Variants in NKAIN2 observed in about 807,000 individuals in gnomAD.
NKAIN2 encodes sodium/potassium transporting ATPase interacting 2, also known as sodium/potassium-transporting ATPase subunit beta-1-interacting protein 2.
A neutral mutation model predicts 32.6 loss-of-function variants in NKAIN2; 14 were observed. The observed-to-expected ratio is 0.43, with a 90% CI of 0.28 to 0.67. The LOEUF (loss-of-function observed/expected upper bound fraction) is 0.67. Among genes scored for constraint, NKAIN2 ranks in the 30% least tolerant of loss-of-function variants. The pLI, the probability that NKAIN2 is intolerant of heterozygous loss-of-function variation, is 0.17. For synonymous variants in NKAIN2, 80 were observed against 87.2 expected (o/e 0.92, Z 0.46); for missense variants, 198 against 258.3 (o/e 0.77, Z 1.60).
chr6:124,718,133 T>C (rs1488529374), intron 4 of NKAIN2, among the ~76,000 whole-genome samples: 1 of 152,124 alleles, frequency 6.6e-6, no homozygotes, highest in Non-Finnish European at 1.5e-5. Flanking sequence ...ATTCAATGAT[T>C]TTTTTAGTAT....
chr6:123,814,796 T>G (rs986209098), intron 1 of NKAIN2, among the ~76,000 whole-genome samples: 7 of 152,306 alleles, frequency 4.6e-5, no homozygotes, highest in African/African-American at 1.7e-4. Flanking sequence ...TATTTCATAA[T>G]GTGAATAAAA....
chr6:124,408,911 A>C, intron 3 of NKAIN2, among the ~76,000 whole-genome samples: 1 of 152,142 alleles, frequency 6.6e-6, no homozygotes, highest in Non-Finnish European at 1.5e-5. Flanking sequence ...GTGGTCTTTC[A>C]CATCCCTTGT....
intron 3 of NKAIN2, among the ~76,000 whole-genome samples, chr6:124,506,431 C>A (rs1562226903): frequency 6.6e-6 from 1 of 152,146 alleles, no homozygotes; most frequent in Non-Finnish European, 1.5e-5. Context: ...GCAGTCTCTG[C>A]CCAGGAGTGA....
At chr6:124,344,865 C>T (rs1282247396) in intron 2 of NKAIN2, among the ~76,000 whole-genome samples, 3 of 152,138 alleles carry the variant, frequency 2.0e-5, no homozygotes, top group Non-Finnish European at 2.9e-5. Flanking sequence ...ACTTCCAACA[C>T]TATGTTGAAT....
At chr6:124,595,094 T>C (rs561389240) in intron 3 of NKAIN2, among the ~76,000 whole-genome samples, 2 of 152,198 alleles carry the variant, frequency 1.3e-5, no homozygotes, top group Non-Finnish European at 2.9e-5. Flanking sequence ...TCTAGGTCTA[T>C]GTAAGAAGGT....
intron 1 of NKAIN2, among the ~76,000 whole-genome samples, chr6:123,931,863 AC>A (rs1281813630): frequency 6.6e-6 from 1 of 152,180 alleles, no homozygotes; most frequent in African/African-American, 2.4e-5. Flanking sequence ...AATGAGCAGT[AC>A]CCTTGCAGCC....
chr6:124,446,506 C>A (rs1775900621), intron 3 of NKAIN2, among the ~76,000 whole-genome samples: 1 of 151,876 alleles, frequency 6.6e-6, no homozygotes, highest in Non-Finnish European at 1.5e-5. Flanking sequence ...CCACACCTGG[C>A]TAATTTTTGT....
chr6:124,160,624 G>A (rs111862362), intron 1 of NKAIN2, among the ~76,000 whole-genome samples: 11 of 151,996 alleles, frequency 7.2e-5, no homozygotes, highest in African/African-American at 2.4e-4. Context: ...TGAAAGGTTG[G>A]TTTAACAGAA....
chr6:124,337,394 C>A (rs1381657936), intron 2 of NKAIN2, among the ~76,000 whole-genome samples: 2 of 152,120 alleles, frequency 1.3e-5, no homozygotes, highest in Non-Finnish European at 2.9e-5. Context: ...GTAGTCCCAG[C>A]TGCTCAACAG....
chr6:124,690,376 C>T (rs774993060), intron 4 of NKAIN2, among the ~76,000 whole-genome samples: 21 of 152,058 alleles, frequency 1.4e-4, no homozygotes, highest in Non-Finnish European at 2.5e-4. Context: ...CATAGAGAAT[C>T]GTATGGTTTG....
At chr6:124,045,270 G>A (rs571826724) in intron 1 of NKAIN2, among the ~76,000 whole-genome samples, 60 of 151,978 alleles carry the variant, frequency 3.9e-4, no homozygotes, top group African/African-American at 1.4e-3. Context: ...TGATGTTGAT[G>A]CATTTTTTTC....
At chr6:124,028,997 A>C (rs538328335) in intron 1 of NKAIN2, among the ~76,000 whole-genome samples, 1 of 150,190 alleles carries the variant, frequency 6.7e-6, no homozygotes, top group East Asian at 2.0e-4. Context: ...TAAGCAATTT[A>C]TTCCTGTTTC....
At chr6:123,846,624 A>G (rs1775101267) in intron 1 of NKAIN2, among the ~76,000 whole-genome samples, 2 of 152,226 alleles carry the variant, frequency 1.3e-5, no homozygotes, top group Admixed American at 1.3e-4. Context: ...CATTGCATCA[A>G]GTAAAACTAG....
At chr6:124,607,196 G>A (rs1248349850) in intron 3 of NKAIN2, among the ~76,000 whole-genome samples, 2 of 152,026 alleles carry the variant, frequency 1.3e-5, no homozygotes, top group Non-Finnish European at 2.9e-5. Context: ...AGACTTCAAA[G>A]CTCATTTTAA....
chr6:124,788,667 G>T (rs1054147515), intron 4 of NKAIN2, among the ~76,000 whole-genome samples: 1 of 152,032 alleles, frequency 6.6e-6, no homozygotes, highest in Non-Finnish European at 1.5e-5. Context: ...CAGCATGAAG[G>T]TAACTGCTCC....
intron 1 of NKAIN2, among the ~76,000 whole-genome samples, chr6:124,151,928 C>T (rs759714243): frequency 1.9e-4 from 29 of 151,710 alleles, no homozygotes; most frequent in Admixed American, 4.6e-4. Flanking sequence ...CTGCCTTTTT[C>T]GTACACTATC....
chr6:124,565,574 CCT>C (rs1780879151), intron 3 of NKAIN2, among the ~76,000 whole-genome samples: 1 of 152,152 alleles, frequency 6.6e-6, no homozygotes, highest in Non-Finnish European at 1.5e-5. Context: ...TCACTTTCCC[CCT>C]GATTCCGTGC....
At chr6:124,076,702 G>C (rs1048104705) in intron 1 of NKAIN2, among the ~76,000 whole-genome samples, 12 of 152,192 alleles carry the variant, frequency 7.9e-5, no homozygotes, top group African/African-American at 2.9e-4. Flanking sequence ...TTGTTTATGA[G>C]ATTGTTCACA....
intron 1 of NKAIN2, among the ~76,000 whole-genome samples, chr6:124,182,482 G>A (rs1454648593): frequency 6.6e-6 from 1 of 152,118 alleles, no homozygotes; most frequent in African/African-American, 2.4e-5. Context: ...GAAATTATTA[G>A]TAAAATATTT....
Sources: allele counts gnomAD v4.1 joint callset (sites outside exome capture counted in the v4.1 genomes callset), GRCh38; gene constraint gnomAD v4.1.1; transcripts MANE v1.5; gene names NCBI Gene and HGNC (gene_info 2026-07-23, HGNC 2026-07-21).